IMMP2L: variants seen among roughly 807,000 people sequenced by gnomAD.
IMMP2L encodes inner mitochondrial membrane peptidase subunit 2.
A neutral mutation model predicts 19.3 loss-of-function variants in IMMP2L; 18 were observed. That is an observed-to-expected ratio of 0.93 (90% CI 0.64 to 1.38). The LOEUF is 1.38. Ranked by LOEUF, IMMP2L falls within the 40% of genes most tolerant of loss-of-function variation. The pLI, the probability that IMMP2L is intolerant of heterozygous loss-of-function variation, is 0.00. For synonymous variants in IMMP2L, 76 were observed against 73.0 expected (o/e 1.04, Z -0.21); for missense variants, 233 against 218.2 (o/e 1.07, Z -0.43).
intron 3 of IMMP2L, among the ~76,000 whole-genome samples, chr7:111,108,584 G>C (rs1798815758): frequency 6.6e-6 from 1 of 152,038 alleles, no homozygotes; most frequent in African/African-American, 2.4e-5. Flanking sequence ...GATATAATGA[G>C]AGTAGACATT....
chr7:111,434,519 T>C (rs1412216093), intron 3 of IMMP2L, among the ~76,000 whole-genome samples: 2 of 151,430 alleles, frequency 1.3e-5, no homozygotes, highest in Non-Finnish European at 2.9e-5. Flanking sequence ...TTTCTTTTTG[T>C]TTTTTTGTCT....
At chr7:111,380,375 C>A (rs1453755445) in intron 3 of IMMP2L, among the ~76,000 whole-genome samples, 1 of 151,900 alleles carries the variant, frequency 6.6e-6, no homozygotes, top group African/African-American at 2.4e-5. Flanking sequence ...GCAAGCTAAT[C>A]GTGTGATCCT....
At chr7:111,162,350 A>C (rs1023110192) in intron 3 of IMMP2L, among the ~76,000 whole-genome samples, 1 of 152,124 alleles carries the variant, frequency 6.6e-6, no homozygotes, top group African/African-American at 2.4e-5. Context: ...AACTCATCTC[A>C]AGGAGCAATG....
At chr7:111,464,219 A>G (rs1343819350) in intron 3 of IMMP2L, among the ~76,000 whole-genome samples, 1 of 152,132 alleles carries the variant, frequency 6.6e-6, no homozygotes, top group African/African-American at 2.4e-5. Context: ...TACACCTGTA[A>G]TCCCAATACT....
chr7:111,544,962 C>T (rs538321885), intron 1 of IMMP2L, among the ~76,000 whole-genome samples: 2 of 151,810 alleles, frequency 1.3e-5, no homozygotes, highest in Admixed American at 1.3e-4. Context: ...CAAACTAAGA[C>T]AAAAACCCCA....
intron 3 of IMMP2L, among the ~76,000 whole-genome samples, chr7:111,272,788 A>C (rs1160021613): frequency 6.6e-6 from 1 of 152,146 alleles, no homozygotes; most frequent in Non-Finnish European, 1.5e-5. Context: ...AGACTCTAGG[A>C]CCAAAATTGG....
chr7:110,796,112 G>A lies in IMMP2L; in HGVS notation c.408+90481C>T, dbSNP rs369754851. ...TCTCATTTCTTCCTGCTGCCACCATGTGAAGAAGGATGTGTTTGTTTCTCC... is the reference window on the plus strand; with the variant it reads ...TCTCATTTCTTCCTGCTGCCACCATATGAAGAAGGATGTGTTTGTTTCTCC... On this transcript the variant is annotated intron_variant, in intron 5 of 5. Coordinates refer to ENST00000405709, the MANE Select transcript of IMMP2L (RefSeq NM_032549.4). Among the ~76,000 whole-genome samples the A allele has an allele frequency of 3.9e-5, 6 of 152,044 alleles. No individual in the cohort carries two copies. In the East Asian group the frequency reaches 1.2e-3, roughly 30 times the overall value.
At chr7:110,687,874 T>A (rs1793228206) in intron 5 of IMMP2L, among the ~76,000 whole-genome samples, 1 of 151,912 alleles carries the variant, frequency 6.6e-6, no homozygotes, top group African/African-American at 2.4e-5. Context: ...TCTGCTTGTA[T>A]CTGGCTGGGG....
chr7:110,962,598 G>T, intron 4 of IMMP2L: 1 of 369,668 alleles, frequency 2.7e-6, no homozygotes, highest in Non-Finnish European at 3.7e-6. Flanking sequence ...AAAACGGCAA[G>T]TAACACTTTA....
chr7:111,327,533 G>C (rs1436659648), intron 3 of IMMP2L, among the ~76,000 whole-genome samples: 1 of 151,494 alleles, frequency 6.6e-6, no homozygotes, highest in Non-Finnish European at 1.5e-5. Flanking sequence ...CACTTCAAAA[G>C]ACTGAACTAT....
At chr7:111,352,868 C>A (rs1175222507) in intron 3 of IMMP2L, among the ~76,000 whole-genome samples, 1 of 152,130 alleles carries the variant, frequency 6.6e-6, no homozygotes, top group Non-Finnish European at 1.5e-5. Flanking sequence ...TACTACCATT[C>A]CTGGCTTCTT....
chr7:111,395,202 G>A (rs1391903090), intron 3 of IMMP2L, among the ~76,000 whole-genome samples: 1 of 152,186 alleles, frequency 6.6e-6, no homozygotes, highest in African/African-American at 2.4e-5. Context: ...GTCAGACAGA[G>A]CAGGTGTGGC....
intron 3 of IMMP2L, among the ~76,000 whole-genome samples, chr7:111,162,494 C>T (rs1368547055): frequency 6.6e-6 from 1 of 152,004 alleles, no homozygotes; most frequent in East Asian, 1.9e-4. Context: ...ATATATACTA[C>T]AGTCATCAAA....
At chr7:110,776,810 A>G (rs140611475) in intron 5 of IMMP2L, among the ~76,000 whole-genome samples, 117 of 152,118 alleles carry the variant, frequency 7.7e-4, no homozygotes, top group African/African-American at 2.7e-3. Flanking sequence ...CTTTCTCTTT[A>G]TGCCTCAAGT....
At chr7:111,311,555 T>G (rs183904589) in intron 3 of IMMP2L, among the ~76,000 whole-genome samples, 2 of 152,074 alleles carry the variant, frequency 1.3e-5, no homozygotes, top group East Asian at 3.9e-4. Context: ...TGAAGAAAGA[T>G]TTTTGGTATG....
At chr7:111,112,519 C>T (rs1272285961) in intron 3 of IMMP2L, among the ~76,000 whole-genome samples, 1 of 152,146 alleles carries the variant, frequency 6.6e-6, no homozygotes, top group African/African-American at 2.4e-5. Flanking sequence ...ATATGGCCTC[C>T]ATGTCTTGGT....
At chr7:111,362,914 GTCTT>G (rs1294832727) in intron 3 of IMMP2L, among the ~76,000 whole-genome samples, 1 of 152,014 alleles carries the variant, frequency 6.6e-6, no homozygotes, top group East Asian at 1.9e-4. Flanking sequence ...TGCTTTCACT[GTCTT>G]TCACAGGAGG....
At chr7:111,471,071 T>G (rs1841218393) in intron 3 of IMMP2L, among the ~76,000 whole-genome samples, 1 of 151,974 alleles carries the variant, frequency 6.6e-6, no homozygotes, top group South Asian at 2.1e-4. Flanking sequence ...GGCCATTGGA[T>G]TTAGCAATGA....
chr7:111,515,248 T>C (rs1461510625), intron 2 of IMMP2L, among the ~76,000 whole-genome samples: 1 of 151,968 alleles, frequency 6.6e-6, no homozygotes, highest in Non-Finnish European at 1.5e-5. Flanking sequence ...CAGTTTAGGG[T>C]TTTTCAGGTG....
Sources: gnomAD v4.1 joint callset for allele counts (sites outside exome capture counted in the v4.1 genomes callset) on GRCh38, gnomAD v4.1.1 for gene constraint, MANE v1.5 for transcripts, NCBI Gene and HGNC (gene_info 2026-07-23, HGNC 2026-07-21) for gene names.